TNFRSF19: variants seen among roughly 807,000 people sequenced by gnomAD.
The protein encoded by TNFRSF19 is tumor necrosis factor receptor superfamily member 19.
Under a neutral mutation model 46.4 loss-of-function variants are expected in TNFRSF19, and 27 were observed. The ratio of observed to expected loss-of-function variants is 0.58; its 90% CI spans 0.43 to 0.80. TNFRSF19 has a LOEUF of 0.80. Ranked by LOEUF, TNFRSF19 falls within the 30% of genes least tolerant of loss-of-function variation. TNFRSF19 has a pLI of 0.00. For synonymous variants in TNFRSF19, 204 were observed against 205.0 expected (o/e 1.00, Z 0.04); for missense variants, 511 against 530.8 (o/e 0.96, Z 0.37).
chr13:23,668,430 A>AC (rs771695421), intron 8 of TNFRSF19, among the ~76,000 whole-genome samples: 13 of 152,346 alleles, frequency 8.5e-5, no homozygotes, highest in Admixed American at 2.0e-4. Context: ...CTCAGATGAG[A>AC]CCCAGGAAAC....
intron 5 of TNFRSF19, among the ~76,000 whole-genome samples, chr13:23,641,777 G>A (rs1883046570): frequency 6.6e-6 from 1 of 152,196 alleles, no homozygotes; most frequent in South Asian, 2.1e-4. Context: ...TTAGATAAAT[G>A]TACAGATGCT....
chr13:23,593,160 G>A (rs866086541), intron 2 of TNFRSF19, among the ~76,000 whole-genome samples, 185 bp from the exon 3 acceptor site: 2 of 152,048 alleles, frequency 1.3e-5, no homozygotes, highest in Non-Finnish European at 2.9e-5. Flanking sequence ...TTGGCTTATT[G>A]ATTTAGTTGT....
intron 2 of TNFRSF19, among the ~76,000 whole-genome samples, chr13:23,591,326 A>T (rs1457941232): frequency 6.6e-6 from 1 of 152,084 alleles, no homozygotes; most frequent in Non-Finnish European, 1.5e-5. Flanking sequence ...GGTGATGCAC[A>T]CCTGTAATCC....
intron 5 of TNFRSF19, among the ~76,000 whole-genome samples, chr13:23,633,477 A>T (rs1394796173): frequency 6.6e-6 from 1 of 152,226 alleles, no homozygotes; most frequent in African/African-American, 2.4e-5. Context: ...TTATTTGCTT[A>T]TTGAGGTAAA....
intron 7 of TNFRSF19, among the ~76,000 whole-genome samples, chr13:23,660,776 C>T (rs905651923): frequency 5.3e-5 from 8 of 152,142 alleles, no homozygotes; most frequent in Non-Finnish European, 1.0e-4. Context: ...TTTAAAATCA[C>T]GGTAACCTTT....
Position 23,659,238 on chromosome 13 carries a change from TC to T in TNFRSF19, c.610+25del. The T allele has an allele frequency of 1.9e-6, 3 of 1,589,638 alleles. No homozygotes were observed. The highest frequency in any genetic ancestry group is 2.6e-6 in the Non-Finnish European group (3 of 1,164,106). Reference sequence around the variant, plus strand: ...CTGTAAGTTTTGAGCTCATTACATTTCTTAGCATTTAGGGGAAGGGCATTTA... The same window carrying T: ...CTGTAAGTTTTGAGCTCATTACATTTTTAGCATTTAGGGGAAGGGCATTTA... On this transcript the variant is annotated intron_variant, in intron 6 of 9. Coordinates refer to ENST00000248484, the MANE Select transcript of TNFRSF19 (RefSeq NM_148957.4). This position sits in a 1 kb window ranked among gnomAD's most constrained non-coding sequence, Gnocchi z 4.9.
intron 1 of TNFRSF19, chr13:23,579,328 C>T (rs1219463159): frequency 6.6e-6 from 1 of 152,422 alleles, no homozygotes; most frequent in Admixed American, 6.5e-5. Flanking sequence ...CTGAGCGGGG[C>T]TCCTAGTGGG....
At chr13:23,663,382 A>G (rs1407729321) in intron 7 of TNFRSF19, among the ~76,000 whole-genome samples, 3 of 152,110 alleles carry the variant, frequency 2.0e-5, no homozygotes, top group African/African-American at 4.8e-5. Flanking sequence ...ATCGTGGTGG[A>G]TTAGCTTTTT....
intron 7 of TNFRSF19, among the ~76,000 whole-genome samples, chr13:23,660,789 T>A (rs1211236633): frequency 6.6e-6 from 1 of 152,188 alleles, no homozygotes; most frequent in Non-Finnish European, 1.5e-5. Flanking sequence ...TAACCTTTGG[T>A]AGAGTAGGAC....
At chr13:23,652,601 C>G (rs1047157444) in intron 5 of TNFRSF19, among the ~76,000 whole-genome samples, 1 of 152,198 alleles carries the variant, frequency 6.6e-6, no homozygotes, top group African/African-American at 2.4e-5. Context: ...CACCCTTGCT[C>G]TCTCATGCAT....
chr13:23,673,473 T>C lies in TNFRSF19; in HGVS notation c.*93T>C, dbSNP rs772787496. 1.7e-5 allele frequency: 25 copies of C among 1,441,520 alleles called. No individual in the cohort carries two copies. The highest frequency in any genetic ancestry group is 2.0e-5 in the Non-Finnish European group (22 of 1,086,642). The allele number at this position is 1,441,520 out of a possible 1,614,324, so 89.3% of individuals were successfully genotyped here. A position where few individuals can be genotyped will look rare whatever the true frequency, so the allele number is the denominator to read the frequency against. On this transcript the variant is annotated 3_prime_UTR_variant, in exon 10 of 10. Coordinates refer to ENST00000248484, the MANE Select transcript of TNFRSF19 (RefSeq NM_148957.4). ...TGGACTGAGCAGTCTGGACCTTGCA[T>C]GGCTTCTGGGGCAAAAATAAATCTG...
chr13:23,638,203 C>T (rs558520557), intron 5 of TNFRSF19, among the ~76,000 whole-genome samples: 2 of 87,434 alleles, frequency 2.3e-5, no homozygotes, highest in African/African-American at 6.4e-5. Context: ...AACATCCTTG[C>T]GGGTAGGGAA....
intron 4 of TNFRSF19, among the ~76,000 whole-genome samples, chr13:23,621,059 A>C (rs1234576050): frequency 6.6e-6 from 1 of 152,058 alleles, no homozygotes; most frequent in Admixed American, 6.6e-5. Flanking sequence ...GTCTGATATC[A>C]CTGGGAGGTC....
chr13:23,653,735 A>C (rs1479443506), intron 5 of TNFRSF19, among the ~76,000 whole-genome samples: 1 of 152,224 alleles, frequency 6.6e-6, no homozygotes, highest in Admixed American at 6.5e-5. Context: ...GGTGCCAAGT[A>C]GGCTGTGAGA....
chr13:23,658,739 C>T (rs1166371666), intron 5 of TNFRSF19, among the ~76,000 whole-genome samples: 1 of 152,200 alleles, frequency 6.6e-6, no homozygotes, highest in Non-Finnish European at 1.5e-5. Context: ...TGACAGACCC[C>T]CAGCTCACAA....
Position 23,673,693 on chromosome 13 carries a change from T to C in TNFRSF19, c.*313T>C. 2 of 486,044 alleles carry C rather than the reference T, an allele frequency of 4.1e-6. No individual in the cohort carries two copies. Among genetic ancestry groups the C allele is most frequent in the Non-Finnish European group, 3.1e-6 (1 of 326,840 alleles). The allele number at this position is 486,044 out of a possible 1,614,324, so 30.1% of individuals were successfully genotyped here. ...TGGGTTGAGCTGGCAGCCTATGAGATTGTGGACATATAACAAGAAACAGAA... is the reference window on the plus strand; with the variant it reads ...TGGGTTGAGCTGGCAGCCTATGAGACTGTGGACATATAACAAGAAACAGAA... On this transcript the variant is annotated 3_prime_UTR_variant, in exon 10 of 10. Coordinates refer to ENST00000248484, the MANE Select transcript of TNFRSF19 (RefSeq NM_148957.4).
intron 5 of TNFRSF19, among the ~76,000 whole-genome samples, chr13:23,630,200 G>C (rs772789050): frequency 2.0e-4 from 30 of 151,440 alleles, no homozygotes; most frequent in Non-Finnish European, 2.8e-4. Flanking sequence ...CTACTTGGGA[G>C]GCTGGGGTGG....
At chr13:23,615,640 A>G (rs570540529) in intron 3 of TNFRSF19, among the ~76,000 whole-genome samples, 9 of 152,302 alleles carry the variant, frequency 5.9e-5, no homozygotes, top group African/African-American at 1.9e-4. Flanking sequence ...GATTATTCTC[A>G]TGCTCACGGC....
At chr13:23,573,887 C>G (rs550199607) in intron 1 of TNFRSF19, among the ~76,000 whole-genome samples, 1 of 151,892 alleles carries the variant, frequency 6.6e-6, no homozygotes, top group South Asian at 2.1e-4. Flanking sequence ...ATGGTGAAAC[C>G]CCATCTCTAC....
Sources: gnomAD v4.1 joint callset for allele counts (sites outside exome capture counted in the v4.1 genomes callset) on GRCh38, gnomAD v4.1.1 for gene constraint, Gnocchi (gnomAD v3.1) non-coding constraint, MANE v1.5 for transcripts, NCBI Gene and HGNC (gene_info 2026-07-23, HGNC 2026-07-21) for gene names.